PARD3: variants seen among roughly 807,000 people sequenced by gnomAD.
PARD3 encodes the protein par-3 family cell polarity regulator, also known as partitioning defective 3 homolog.
PARD3 carries 75 observed loss-of-function variants against 155.4 expected under a neutral mutation model. The observed-to-expected ratio is 0.48, with a 90% CI of 0.40 to 0.58. PARD3 has a LOEUF of 0.58. Ranked by LOEUF, PARD3 falls within the 20% of genes least tolerant of loss-of-function variation. PARD3 has a pLI of 0.00. For synonymous variants in PARD3, 576 were observed against 610.5 expected (o/e 0.94, Z 0.83); for missense variants, 1,642 against 1,721.7 (o/e 0.95, Z 0.82).
At chr10:34,604,921 T>C (rs949810629) in intron 2 of PARD3, among the ~76,000 whole-genome samples, 5 of 151,798 alleles carry the variant, frequency 3.3e-5, no homozygotes, top group African/African-American at 9.7e-5. Context: ...AATCTCAATG[T>C]TACTAAAACC....
chr10:34,134,108 T>C (rs1431678974), intron 22 of PARD3, among the ~76,000 whole-genome samples: 2 of 152,230 alleles, frequency 1.3e-5, no homozygotes, highest in Non-Finnish European at 2.9e-5. Flanking sequence ...TTGTTATTCC[T>C]ACTGGCTTTA....
chr10:34,172,195 C>A (rs1244049055), intron 22 of PARD3, among the ~76,000 whole-genome samples: 1 of 152,030 alleles, frequency 6.6e-6, no homozygotes, highest in Non-Finnish European at 1.5e-5. Flanking sequence ...AAATTGAATT[C>A]ATATGGGCTT....
In PARD3 at chr10:34,488,027, C is replaced by T. The variant is rs540234824; in HGVS notation, c.404-17764G>A. Among the ~76,000 whole-genome samples, 15 of 152,256 alleles carry T rather than the reference C, an allele frequency of 9.9e-5. No homozygotes were observed. The South Asian group carries it at 1.5e-3, about 15-fold the overall frequency. On this transcript the variant is annotated intron_variant, in intron 3 of 24. Transcript: ENST00000374788. ...TTTCTTTATTATTATAACCTTTACT[C>T]CACAATACTATATAAAAGCGTAATC...
At chr10:34,813,561 T>A (rs1844487995) in intron 1 of PARD3, among the ~76,000 whole-genome samples, 1 of 152,222 alleles carries the variant, frequency 6.6e-6, no homozygotes, top group African/African-American at 2.4e-5. Context: ...AAAGCCAACG[T>A]CTTCCATCCT....
chr10:34,789,095 C>G (rs777621259), intron 1 of PARD3, among the ~76,000 whole-genome samples: 4 of 152,192 alleles, frequency 2.6e-5, no homozygotes, highest in Non-Finnish European at 5.9e-5. Context: ...TAGGTTAATA[C>G]TTGTATATCC....
intron 1 of PARD3, among the ~76,000 whole-genome samples, chr10:34,776,801 A>G (rs557471325): frequency 8.2e-6 from 1 of 121,812 alleles, no homozygotes; most frequent in African/African-American, 3.2e-5. Flanking sequence ...AATTAAGGAG[A>G]CTATTTCCAA....
chr10:34,161,036 G>A (rs567871511), intron 22 of PARD3, among the ~76,000 whole-genome samples: 1 of 152,246 alleles, frequency 6.6e-6, no homozygotes, highest in Non-Finnish European at 1.5e-5. Flanking sequence ...GAGCCCAGAA[G>A]TTTGAGACCA....
rs536597061 is a variant in PARD3 at position 34,487,597 on chromosome 10, A to G, written c.404-17334T>C. Among the ~76,000 whole-genome samples the G allele has an allele frequency of 2.2e-3, 330 of 151,628 alleles. 2 individuals carry two copies. Among genetic ancestry groups the G allele is most frequent in the South Asian group, 4.6e-3 (22 of 4,816 alleles). ...AGGACAAAGAATTGCCGCTTCAAAT[A>G]TTGGTGATAAACTCCCTGGCTAGAA... On this transcript the variant is annotated intron_variant, in intron 3 of 24. Transcript: ENST00000374788.
intron 2 of PARD3, among the ~76,000 whole-genome samples, chr10:34,548,489 ACT>A (rs1223377007): frequency 3.3e-5 from 5 of 152,140 alleles, no homozygotes; most frequent in East Asian, 1.9e-4. Context: ...ACAGAGCAAG[ACT>A]CTGTCTCAAA....
At chr10:34,227,952 C>T (rs1952710797) in intron 22 of PARD3, among the ~76,000 whole-genome samples, 1 of 146,388 alleles carries the variant, frequency 6.8e-6, no homozygotes, top group African/African-American at 2.6e-5. Context: ...ACCATAAAGA[C>T]ACATGCACGC....
At chr10:34,672,159 T>A (rs1333658402) in intron 2 of PARD3, among the ~76,000 whole-genome samples, 1 of 151,872 alleles carries the variant, frequency 6.6e-6, no homozygotes, top group Non-Finnish European at 1.5e-5. Context: ...CAGAGGAGGA[T>A]TCTGTTTTTT....
chr10:34,478,599 A>C (rs764299672), intron 3 of PARD3, among the ~76,000 whole-genome samples: 8 of 152,302 alleles, frequency 5.3e-5, no homozygotes, highest in Non-Finnish European at 7.3e-5. Flanking sequence ...GCTGGAGTGT[A>C]ATGGTGCGAT....
intron 4 of PARD3, 97 bp downstream of exon 4, chr10:34,469,988 C>A: frequency 2.1e-6 from 2 of 975,304 alleles, no homozygotes; most frequent in Non-Finnish European, 3.0e-6. Flanking sequence ...TGAAGATGCC[C>A]TGGAATCCAA....
chr10:34,124,366 T>C (rs1301014991), intron 23 of PARD3, among the ~76,000 whole-genome samples: 2 of 152,226 alleles, frequency 1.3e-5, no homozygotes, highest in African/African-American at 2.4e-5. Context: ...GAATTCCATA[T>C]TCTGATAAGA....
At chr10:34,222,104 T>C (rs1467251290) in intron 22 of PARD3, among the ~76,000 whole-genome samples, 3 of 152,202 alleles carry the variant, frequency 2.0e-5, no homozygotes, top group Non-Finnish European at 4.4e-5. Flanking sequence ...TTTATTTTAT[T>C]TTTCTTAGAG....
At chr10:34,654,692 T>C (rs2093115993) in intron 2 of PARD3, among the ~76,000 whole-genome samples, 1 of 152,214 alleles carries the variant, frequency 6.6e-6, no homozygotes, top group Non-Finnish European at 1.5e-5. Context: ...AGTTCACCTC[T>C]AATGTGGAGC....
intron 4 of PARD3, among the ~76,000 whole-genome samples, chr10:34,469,681 A>G (rs955176323): frequency 6.6e-6 from 1 of 152,174 alleles, no homozygotes; most frequent in African/African-American, 2.4e-5. Flanking sequence ...TTGCTTATAA[A>G]TGTGTCAAAT....
In PARD3 at chr10:34,402,990, A is replaced by G. The variant is rs1844057417; in HGVS notation, c.715-1073T>C. 2.0e-5 allele frequency among the ~76,000 whole-genome samples: 3 copies of G among 152,214 alleles called. No homozygotes were observed. The South Asian group carries it at 6.2e-4, about 32-fold the overall frequency. On this transcript the variant is annotated intron_variant, in intron 5 of 24. Coordinates refer to ENST00000374788, the MANE Select transcript of PARD3 (RefSeq NM_001184785.2). The stretch of plus-strand genomic sequence containing the variant: ...CGATAAAGATACCTGACTGAGATCA[A>G]TGGACTTATTAGCCAGATTAGAACA...
At chr10:34,244,199 C>T (rs1953791324) in intron 22 of PARD3, among the ~76,000 whole-genome samples, 1 of 152,076 alleles carries the variant, frequency 6.6e-6, no homozygotes, top group African/African-American at 2.4e-5. Flanking sequence ...TTACTTTAGA[C>T]AATGTCGAAT....
Sources: allele counts gnomAD v4.1 joint callset (sites outside exome capture counted in the v4.1 genomes callset), GRCh38; gene constraint gnomAD v4.1.1; transcripts MANE v1.5; gene names NCBI Gene and HGNC (gene_info 2026-07-23, HGNC 2026-07-21).